Variants in AGBL3 observed in about 807,000 individuals in gnomAD.
AGBL3 encodes cytosolic carboxypeptidase 3.
A neutral mutation model predicts 94.5 loss-of-function variants in AGBL3; 68 were observed. The observed-to-expected ratio is 0.72, with a 90% CI of 0.59 to 0.88. The LOEUF (loss-of-function observed/expected upper bound fraction) is 0.88. Ranked by LOEUF, AGBL3 falls within the 40% of genes least tolerant of loss-of-function variation. AGBL3 has a pLI of 0.00. For synonymous variants in AGBL3, 354 were observed against 370.7 expected, an observed-to-expected ratio of 0.95 and a Z score of 0.52; for missense variants, 934 against 1,103.8, an observed-to-expected ratio of 0.85 and a Z score of 2.18.
intron 2 of AGBL3, 82 bp downstream of exon 2, chr7:134,988,078 T>G (rs1809703366): frequency 9.3e-7 from 1 of 1,073,778 alleles, no homozygotes; most frequent in East Asian, 2.7e-5. Context: ...TAAAATCAAT[T>G]GGATATAAAA....
intron 16 of AGBL3, among the ~76,000 whole-genome samples, chr7:135,131,305 G>A (rs1163018238): frequency 1.3e-5 from 2 of 151,974 alleles, no homozygotes; most frequent in Non-Finnish European, 2.9e-5. Context: ...ACACACCAGG[G>A]CCTGTTGCGG....
At position 135,116,540 on chromosome 7, in the gene AGBL3, C is replaced by T. The variant is rs192998555; in HGVS notation, c.2342+929C>T. On this transcript the variant is annotated intron_variant, in intron 16 of 16. Transcript: ENST00000436302. ...CCAATGGGGAGAGAAAGAGGTACTTCATTTCTGTCCATTGAGTATGGAAAT... is the reference window on the plus strand; with the variant it reads ...CCAATGGGGAGAGAAAGAGGTACTTTATTTCTGTCCATTGAGTATGGAAAT... Among the ~76,000 whole-genome samples the T allele has an allele frequency of 6.3e-3, 964 of 152,308 alleles. 7 individuals carry two copies. The highest frequency in any genetic ancestry group is 0.017 in the Admixed American group (255 of 15,298).
Position 135,038,605 on chromosome 7 carries a change from T to C in AGBL3, c.1500+1025T>C, listed in dbSNP as rs532837030. 7.2e-5 allele frequency among the ~76,000 whole-genome samples: 11 copies of C among 152,350 alleles called. No individual in the cohort carries two copies. In the South Asian group the frequency reaches 1.9e-3, roughly 26 times the overall value. On this transcript the variant is annotated intron_variant, in intron 8 of 16. Transcript: ENST00000436302. Reference sequence around the variant, plus strand: ...CAGCTTAAACAGGCCTTCCACATCATCTAAAGGTTGCTTAAAACATAGAGG... The same window carrying C: ...CAGCTTAAACAGGCCTTCCACATCACCTAAAGGTTGCTTAAAACATAGAGG...
chr7:135,056,476 C>A (rs949136319), intron 11 of AGBL3, among the ~76,000 whole-genome samples: 3 of 151,788 alleles, frequency 2.0e-5, no homozygotes, highest in Admixed American at 2.0e-4. Context: ...TATCTTTGTT[C>A]ACACTGGACA....
chr7:135,106,484 TC>T (rs748468513), intron 15 of AGBL3, among the ~76,000 whole-genome samples: 80 of 152,328 alleles, frequency 5.3e-4, no homozygotes, highest in Non-Finnish European at 1.0e-3. Flanking sequence ...CGTGGTTTTG[TC>T]TTTAGTTCTG....
Position 134,989,206 on chromosome 7 carries a change from CTG to C in AGBL3, c.64-42_64-41del, listed in dbSNP as rs540411425. 2.8e-4 allele frequency: 398 copies of C among 1,420,844 alleles called. 6 individuals are homozygous for C. In the African/African-American group the frequency reaches 4.7e-3, roughly 17 times the overall value. 88.0% of individuals were successfully genotyped at this position (1,420,844 alleles called of 1,614,324 possible). A position where few individuals can be genotyped will look rare whatever the true frequency, so the allele number is the denominator to read the frequency against. ...TGTAAAAAAATTCTGGATTTGAAAA[CTG>C]TTGGTTTTTAAAAGAGAAATATTTT... On this transcript the variant is annotated intron_variant, in intron 2 of 16. Coordinates refer to ENST00000436302, the MANE Select transcript of AGBL3 (RefSeq NM_178563.4).
At chr7:135,006,720 T>C (rs1812433627) in intron 4 of AGBL3, among the ~76,000 whole-genome samples, 1 of 151,894 alleles carries the variant, frequency 6.6e-6, no homozygotes, top group African/African-American at 2.4e-5. Flanking sequence ...TGGATACCCT[T>C]GCAAAGAAGT....
At chr7:135,094,253 A>G in intron 15 of AGBL3, 1 of 389,902 alleles carries the variant, frequency 2.6e-6, no homozygotes, top group South Asian at 1.9e-5. Context: ...ACAACAAAAA[A>G]GCTGAACAAA....
At chr7:135,089,330 A>C (rs938878432) in intron 15 of AGBL3, among the ~76,000 whole-genome samples, 7 of 152,124 alleles carry the variant, frequency 4.6e-5, no homozygotes, top group Non-Finnish European at 8.8e-5. Flanking sequence ...TTCTCATTGA[A>C]TTCTTTTTCC....
chr7:135,036,407 T>C (rs953566988), intron 7 of AGBL3, among the ~76,000 whole-genome samples: 1 of 152,118 alleles, frequency 6.6e-6, no homozygotes, highest in Admixed American at 6.5e-5. Flanking sequence ...AAAAAGTCAA[T>C]TCAAACTTTG....
At chr7:135,028,874 G>A (rs542781117) in intron 5 of AGBL3, among the ~76,000 whole-genome samples, 13 of 152,272 alleles carry the variant, frequency 8.5e-5, no homozygotes, top group Admixed American at 4.6e-4. Flanking sequence ...GCTGCAGAAT[G>A]GTTGTTTCGT....
At chr7:135,120,300 G>A (rs576520397) in intron 16 of AGBL3, among the ~76,000 whole-genome samples, 4 of 152,106 alleles carry the variant, frequency 2.6e-5, no homozygotes, top group Non-Finnish European at 5.9e-5. Context: ...ATACATAAAA[G>A]ACATATTTAA....
chr7:135,045,208 G>A (rs1202947951), intron 9 of AGBL3, among the ~76,000 whole-genome samples: 2 of 151,766 alleles, frequency 1.3e-5, no homozygotes, highest in Admixed American at 1.3e-4. Flanking sequence ...TTTCTAACTG[G>A]CAACCAAATA....
intron 16 of AGBL3, chr7:135,128,753 C>T (rs1828314305): frequency 2.2e-6 from 3 of 1,362,964 alleles, no homozygotes; most frequent in Admixed American, 1.8e-5. Context: ...CAAGCCTCTC[C>T]CAACACAGAG....
chr7:135,124,521 G>A (rs1160160798), intron 16 of AGBL3, among the ~76,000 whole-genome samples: 1 of 152,180 alleles, frequency 6.6e-6, no homozygotes, highest in African/African-American at 2.4e-5. Flanking sequence ...TTCAGGACTT[G>A]AACTCTCAGC....
At chr7:135,115,085 C>T (rs1826138983) in intron 15 of AGBL3, among the ~76,000 whole-genome samples, 1 of 152,186 alleles carries the variant, frequency 6.6e-6, no homozygotes, top group African/African-American at 2.4e-5. Flanking sequence ...TACTTCCTAA[C>T]TTCCATGAGA....
intron 16 of AGBL3, chr7:135,128,736 G>A: frequency 7.2e-7 from 1 of 1,381,466 alleles, no homozygotes; most frequent in East Asian, 2.3e-5. Flanking sequence ...TGCAGAGAAG[G>A]ACAGCTCAAG....
Position 135,045,832 on chromosome 7 carries a change from G to A in AGBL3, c.1762G>A (p.Glu588Lys). ...YRCLKELEEM[E>K]RHITLEKVFE... ...GTGCCTGAAAGAATTAGAAGAAATGGAAAGACATATAACCCTGGAAAAAGT... is the reference window on the plus strand; with the variant it reads ...GTGCCTGAAAGAATTAGAAGAAATGAAAAGACATATAACCCTGGAAAAAGT... Residue 588 changes from glutamate (E) to lysine (K), a missense_variant, in exon 11 of 17, where the codon GAA becomes AAA. By Grantham distance (56) the Glu-to-Lys change is moderately conservative. This residue lies in a region of AGBL3 where 441 missense variants were observed against 518.2 expected (regional missense o/e 0.85). Transcript: ENST00000436302. 6.4e-7 allele frequency: 1 copy of A among 1,550,656 alleles called. No homozygotes were observed. The highest frequency in any genetic ancestry group is 1.2e-5 in the South Asian group (1 of 83,962).
At chr7:135,067,687 T>C (rs938548608) in intron 12 of AGBL3, among the ~76,000 whole-genome samples, 1 of 152,154 alleles carries the variant, frequency 6.6e-6, no homozygotes, top group African/African-American at 2.4e-5. Flanking sequence ...TCCTGACTGT[T>C]AGAAGGAAAA....
Sources: allele counts gnomAD v4.1 joint callset (sites outside exome capture counted in the v4.1 genomes callset), GRCh38; gene constraint gnomAD v4.1.1; regional missense constraint gnomAD v4.1.1; transcripts MANE v1.5; gene names NCBI Gene and HGNC (gene_info 2026-07-23, HGNC 2026-07-21).